The following PLEKHG7 variants were observed in gnomAD, a reference collection of about 807,000 sequenced individuals.
PLEKHG7 encodes the protein pleckstrin homology domain-containing family G member 7.
Under a neutral mutation model 85.2 loss-of-function variants are expected in PLEKHG7, and 77 were observed. The ratio of observed to expected loss-of-function variants is 0.90; its 90% CI spans 0.75 to 1.09. The LOEUF (loss-of-function observed/expected upper bound fraction) is 1.09. Ranked by LOEUF, PLEKHG7 falls within the 50% of genes least tolerant of loss-of-function variation. PLEKHG7 has a pLI of 0.00. For missense variants in PLEKHG7, 777 were observed against 804.3 expected (o/e 0.97, Z 0.41); for synonymous variants, 301 against 302.4 (o/e 1.00, Z 0.05).
chr12:92,756,243 T>C (rs577519847), intron 12 of PLEKHG7, 55 bp from the exon 13 acceptor site: 2 of 1,353,678 alleles, frequency 1.5e-6, no homozygotes, highest in Admixed American at 1.8e-5. Context: ...TTTTTAAACA[T>C]GTTCTCTTCC....
At chr12:92,755,150 C>T (rs561757075) in intron 11 of PLEKHG7, among the ~76,000 whole-genome samples, 1 of 152,292 alleles carries the variant, frequency 6.6e-6, no homozygotes, top group South Asian at 2.1e-4. Context: ...AAAGATAAAG[C>T]AGCACCTCTG....
At chr12:92,748,853 G>A (rs112336977) in intron 10 of PLEKHG7, among the ~76,000 whole-genome samples, 4 of 152,324 alleles carry the variant, frequency 2.6e-5, no homozygotes, top group South Asian at 2.1e-4. Flanking sequence ...GGAGAGACTC[G>A]CAGATACCCA....
chr12:92,719,094 G>A (rs1001801245), intron 3 of PLEKHG7, among the ~76,000 whole-genome samples: 8 of 152,282 alleles, frequency 5.3e-5, no homozygotes, highest in African/African-American at 1.7e-4. Context: ...TACTTTGATA[G>A]AAAGTTGAAT....
At chr12:92,734,710 CT>C (rs1188693893) in intron 5 of PLEKHG7, among the ~76,000 whole-genome samples, 4 of 152,136 alleles carry the variant, frequency 2.6e-5, no homozygotes. Flanking sequence ...TAGATCTTGC[CT>C]TTTCTCATTG....
chr12:92,719,713 G>T (rs7300603), intron 3 of PLEKHG7, among the ~76,000 whole-genome samples: 2,707 of 152,232 alleles, frequency 0.018, 65 homozygotes, highest in African/African-American at 0.063. Context: ...TAAAGGCTAG[G>T]AGTCCTTGGC....
At chr12:92,728,905 T>G in intron 3 of PLEKHG7, 88 bp from the exon 4 acceptor site, 1 of 1,053,622 alleles carries the variant, frequency 9.5e-7, no homozygotes, top group East Asian at 3.2e-5. Context: ...CGCCAACATC[T>G]GTTGTTTTTT....
rs890215975 is a variant in PLEKHG7, at chr12:92,771,992, G to C, written c.*1797G>C. The C allele has an allele frequency of 1.3e-5, 2 of 151,882 alleles. No homozygotes were observed. Among genetic ancestry groups the C allele is most frequent in the Non-Finnish European group, 2.9e-5 (2 of 67,860 alleles). 9.4% of individuals were successfully genotyped at this position (151,882 alleles called of 1,614,324 possible). ...CAATATATTAGATGTTTGAGGATAT[G>C]CACATTAAACTCTTTGGAGGGTTTA... On this transcript the variant is annotated 3_prime_UTR_variant, in exon 17 of 17. Coordinates refer to ENST00000344636, the MANE Select transcript of PLEKHG7 (RefSeq NM_001377329.1).
In PLEKHG7 at chr12:92,745,529, T is replaced by A. The variant is rs776747193; in HGVS notation, c.1189T>A (p.Ser397Thr). The change falls in exon 10 of 17, where the codon TCA (serine) becomes ACA (threonine). Residue 397 changes from serine (S) to threonine (T), a missense_variant. Physicochemically the swap from Ser to Thr is moderately conservative, Grantham distance 58 (BLOSUM62 1). Around this residue, in one of 3 missense-constraint regions of PLEKHG7, gnomAD observed 520 missense variants for 544.0 expected, o/e 0.96. Coordinates refer to ENST00000344636, the MANE Select transcript of PLEKHG7 (RefSeq NM_001377329.1). Reference sequence around the variant, plus strand: ...CCACCAGACCTACTGCCTGAACTATTCAGCTGCTATCTTTTATCTTGAGAG... The same window carrying A: ...CCACCAGACCTACTGCCTGAACTATACAGCTGCTATCTTTTATCTTGAGAG... ...QSHQTYCLNY[S>T]AAIFYLESLR... 6.2e-7 allele frequency: 1 copy of A among 1,614,056 alleles called. No individual in the cohort carries two copies. Among genetic ancestry groups the A allele is most frequent in the Non-Finnish European group, 8.5e-7 (1 of 1,179,926 alleles).
intron 15 of PLEKHG7, among the ~76,000 whole-genome samples, chr12:92,765,608 A>ACTTC (rs1264497690): frequency 6.6e-6 from 1 of 151,144 alleles, no homozygotes; most frequent in Admixed American, 6.6e-5. Context: ...CAGCCTGGGC[A>ACTTC]ACAAGAGTGA....
intron 15 of PLEKHG7, among the ~76,000 whole-genome samples, chr12:92,765,645 A>T (rs986138283): frequency 6.6e-6 from 1 of 151,220 alleles, no homozygotes; most frequent in Non-Finnish European, 1.5e-5. Context: ...AAAAAAAAAA[A>T]TAGTGAGGTA....
chr12:92,716,404 T>C (rs1360970532), intron 3 of PLEKHG7, among the ~76,000 whole-genome samples: 2 of 152,220 alleles, frequency 1.3e-5, no homozygotes, highest in Non-Finnish European at 2.9e-5. Flanking sequence ...CTGTAATATA[T>C]GTAACCTGAC....
At chr12:92,757,570 G>A (rs1017487415) in intron 13 of PLEKHG7, among the ~76,000 whole-genome samples, 6 of 152,160 alleles carry the variant, frequency 3.9e-5, no homozygotes, top group African/African-American at 1.2e-4. Context: ...CATATCCAGC[G>A]TTTTATATCC....
chr12:92,762,717 G>A (rs1039360990), intron 14 of PLEKHG7, among the ~76,000 whole-genome samples: 6 of 152,174 alleles, frequency 3.9e-5, no homozygotes, highest in East Asian at 1.9e-4. Context: ...GATACCTAAT[G>A]TTGCTTTATT....
In PLEKHG7 at chr12:92,770,186, T is replaced by C. The variant is rs750470727; in HGVS notation, c.2067T>C (p.Ser689=). The C allele has an allele frequency of 6.3e-7, 1 of 1,592,656 alleles. No individual in the cohort carries two copies. The highest frequency in any genetic ancestry group is 1.7e-5 in the Admixed American group (1 of 58,064). Residue 689 remains serine (S), a synonymous_variant, in exon 17 of 17, where the codon TCT becomes TCC. Transcript: ENST00000344636. Reference sequence around the variant, plus strand: ...TATTCACATTGCCCGCAGAATCCTCTGAAATTTAGGGACCTAAAACAAGTG... The same window carrying C: ...TATTCACATTGCCCGCAGAATCCTCCGAAATTTAGGGACCTAAAACAAGTG... The part of the protein sequence containing the change: ...ISLFTLPAES[S]EI
At chr12:92,736,913 A>AT (rs1169512260) in intron 6 of PLEKHG7, among the ~76,000 whole-genome samples, 1 of 152,118 alleles carries the variant, frequency 6.6e-6, no homozygotes, top group African/African-American at 2.4e-5. Context: ...TGATAAGACA[A>AT]TTTCTAAAGG....
chr12:92,706,905 C>A lies in PLEKHG7; in HGVS notation c.274C>A (p.Pro92Thr). 6.2e-7 allele frequency: 1 copy of A among 1,614,056 alleles called. No individual in the cohort carries two copies. The highest frequency in any genetic ancestry group is 1.1e-5 in the South Asian group (1 of 91,078). The change falls in exon 2 of 17, where the codon CCA (proline) becomes ACA (threonine). Residue 92 changes from proline (P) to threonine (T), a missense_variant. Around this residue, in one of 3 missense-constraint regions of PLEKHG7, gnomAD observed 252 missense variants for 241.9 expected, o/e 1.04. Coordinates refer to ENST00000344636, the MANE Select transcript of PLEKHG7 (RefSeq NM_001377329.1). ...CCTTTCGAAGAGCCTGCCAGGAAGC[C>A]CAAAGGATTCTTCACACTTGCTGTC... ...CYLSKSLPGSPKDSSHLLSPL... is the reference protein window; with the variant it reads ...CYLSKSLPGSTKDSSHLLSPL...
intron 3 of PLEKHG7, among the ~76,000 whole-genome samples, chr12:92,722,123 A>C (rs1165548583): frequency 6.6e-6 from 1 of 152,036 alleles, no homozygotes; most frequent in Non-Finnish European, 1.5e-5. Context: ...GTTCGGATAC[A>C]CACTGCACCC....
At chr12:92,719,384 G>T (rs1335337536) in intron 3 of PLEKHG7, among the ~76,000 whole-genome samples, 1 of 152,140 alleles carries the variant, frequency 6.6e-6, no homozygotes, top group Non-Finnish European at 1.5e-5. Context: ...TCTTAAAATG[G>T]AATGCCAACT....
In PLEKHG7 at chr12:92,760,346, T is replaced by C. The variant is rs186028242; in HGVS notation, c.1637-1406T>C. Among the ~76,000 whole-genome samples the C allele has an allele frequency of 6.3e-3, 953 of 152,326 alleles. 5 individuals carry two copies. Among genetic ancestry groups the C allele is most frequent in the Non-Finnish European group, 9.8e-3 (668 of 68,038 alleles). On this transcript the variant is annotated intron_variant, in intron 13 of 16. Transcript: ENST00000344636. Reference sequence around the variant, plus strand: ...TTAATATGATTTTTAAAAAAACTATTCAAGGACTATTTAATTTGAATAAAA... The same window carrying C: ...TTAATATGATTTTTAAAAAAACTATCCAAGGACTATTTAATTTGAATAAAA...
Sources: allele counts gnomAD v4.1 joint callset (sites outside exome capture counted in the v4.1 genomes callset), GRCh38; gene constraint gnomAD v4.1.1; regional missense constraint gnomAD v4.1.1; transcripts MANE v1.5; gene names NCBI Gene and HGNC (gene_info 2026-07-23, HGNC 2026-07-21).